PAN3: variants seen among roughly 807,000 people sequenced by gnomAD.
The protein encoded by PAN3 is poly(A) specific ribonuclease subunit PAN3, also known as PAN2-PAN3 deadenylation complex subunit PAN3.
PAN3 carries 19 observed loss-of-function variants against 96.2 expected under a neutral mutation model. The observed-to-expected ratio is 0.20, with a 90% CI of 0.14 to 0.29. The LOEUF (loss-of-function observed/expected upper bound fraction) is 0.29. PAN3 is among the 10% of genes least tolerant of loss of function. The pLI is 1.00. For synonymous variants in PAN3, 433 were observed against 406.6 expected, an observed-to-expected ratio of 1.06 and a Z score of -0.78; for missense variants, 882 against 1,108.1, an observed-to-expected ratio of 0.80 and a Z score of 2.90.
In PAN3 at chr13:28,292,424, G is replaced by T; in HGVS notation, c.2566G>T (p.Asp856Tyr). ...AGAAAAAATAAGCCTGATTTCCAGA[G>T]ATGAGAAGAGTGTACTTGTGGTGAC... is the stretch of plus-strand genomic sequence containing the variant. ...VPEKISLISR[D>Y]EKSVLVVTYS... Residue 856 changes from aspartate to tyrosine, a missense_variant, in exon 19 of 19, where the codon GAT becomes TAT. Physicochemically the swap from Asp to Tyr is radical, Grantham distance 160 (BLOSUM62 -3). Coordinates refer to ENST00000380958, the MANE Select transcript of PAN3 (RefSeq NM_175854.8). 6.2e-7 allele frequency: 1 copy of T among 1,611,224 alleles called. No homozygotes were observed. The highest frequency in any genetic ancestry group is 8.5e-7 in the Non-Finnish European group (1 of 1,178,918).
chr13:28,160,691 T>A (rs546080399), intron 1 of PAN3, among the ~76,000 whole-genome samples: 1 of 152,304 alleles, frequency 6.6e-6, no homozygotes, highest in East Asian at 1.9e-4. Flanking sequence ...TAAGTAACAC[T>A]TGGTATTATT....
chr13:28,141,846 G>A (rs1387372270), intron 1 of PAN3, among the ~76,000 whole-genome samples: 2 of 152,118 alleles, frequency 1.3e-5, no homozygotes, highest in East Asian at 1.9e-4. Context: ...GGGAGGGGAA[G>A]GTAAGTACCC....
intron 6 of PAN3, among the ~76,000 whole-genome samples, chr13:28,240,716 A>G (rs762328726): frequency 4.6e-5 from 7 of 152,222 alleles, no homozygotes; most frequent in Non-Finnish European, 1.0e-4. Flanking sequence ...CTTTTGATTA[A>G]GAACATTTTT....
At chr13:28,280,228 G>A (rs1194128501) in intron 15 of PAN3, among the ~76,000 whole-genome samples, 184 bp from the exon 16 acceptor site, 2 of 152,178 alleles carry the variant, frequency 1.3e-5, no homozygotes, top group Non-Finnish European at 1.5e-5. Context: ...TTCTCCATTG[G>A]CTGTTACAGT....
intron 1 of PAN3, among the ~76,000 whole-genome samples, chr13:28,168,775 T>G (rs548866283): frequency 5.3e-5 from 8 of 151,802 alleles, no homozygotes; most frequent in African/African-American, 1.5e-4. Flanking sequence ...TCCCACCACT[T>G]TGGGAGGCTG....
In PAN3 at chr13:28,270,647, A is replaced by C. The variant is rs183378706; in HGVS notation, c.1793-54A>C. 7 of 1,555,786 alleles carry C rather than the reference A, an allele frequency of 4.5e-6. No individual in the cohort carries two copies. The South Asian group carries it at 8.2e-5, about 18-fold the overall frequency. ...TTGCTAATTTTGATGTTAATGCTTT[A>C]GTCTTTTAGTTGATTACTTAAGATG... On this transcript the variant is annotated intron_variant, in intron 12 of 18. Transcript: ENST00000380958.
At chr13:28,283,482 TC>T (rs953613628) in intron 17 of PAN3, among the ~76,000 whole-genome samples, 80 of 152,136 alleles carry the variant, frequency 5.3e-4, no homozygotes, top group African/African-American at 1.9e-3. Flanking sequence ...ATTCCCAGTT[TC>T]CCCCATCAGT....
intron 1 of PAN3, among the ~76,000 whole-genome samples, chr13:28,156,177 T>C (rs1363208862): frequency 6.7e-6 from 1 of 149,436 alleles, no homozygotes; most frequent in Non-Finnish European, 1.5e-5. Context: ...ACTAGACTAA[T>C]ACAGAAAAAA....
intron 6 of PAN3, among the ~76,000 whole-genome samples, chr13:28,234,120 A>T (rs1882858030): frequency 1.3e-5 from 2 of 152,212 alleles, no homozygotes; most frequent in South Asian, 4.1e-4. Flanking sequence ...GAGGCAGTTA[A>T]GAAGCACTAG....
intron 4 of PAN3, among the ~76,000 whole-genome samples, chr13:28,190,469 G>A (rs1366941529): frequency 6.6e-6 from 1 of 152,106 alleles, no homozygotes; most frequent in East Asian, 1.9e-4. Context: ...ATGTTGCCCA[G>A]GTTGGTCCTT....
At chr13:28,148,588 C>G (rs74429755) in intron 1 of PAN3, among the ~76,000 whole-genome samples, 2,532 of 152,256 alleles carry the variant, frequency 0.017, 69 homozygotes, top group East Asian at 0.14. Flanking sequence ...TAGCCTCCTT[C>G]CCTCCCTAGT....
intron 5 of PAN3, among the ~76,000 whole-genome samples, chr13:28,200,563 T>A (rs1197309211): frequency 6.6e-6 from 1 of 152,246 alleles, no homozygotes; most frequent in Non-Finnish European, 1.5e-5. Flanking sequence ...CCCTACCCTT[T>A]ATTACTTAGT....
At chr13:28,191,370 G>A (rs1038578106) in intron 4 of PAN3, among the ~76,000 whole-genome samples, 1 of 151,910 alleles carries the variant, frequency 6.6e-6, no homozygotes, top group Non-Finnish European at 1.5e-5. Flanking sequence ...CTTCTTTCTC[G>A]ACTAGTGATT....
In PAN3 at chr13:28,267,343, G is replaced by A; in HGVS notation, c.1734G>A (p.Met578Ile). 2 of 1,613,818 alleles carry A rather than the reference G, an allele frequency of 1.2e-6. No homozygotes were observed. The highest frequency in any genetic ancestry group is 1.7e-6 in the Non-Finnish European group (2 of 1,179,836). The change falls in exon 12 of 19, where the codon ATG becomes ATA. Residue 578 changes from methionine (M) to isoleucine (I), a missense_variant. Around this residue, in one of 3 missense-constraint regions of PAN3, gnomAD observed 364 missense variants for 513.6 expected, o/e 0.71. Transcript: ENST00000380958. ...ATTTCCATGCTGGAGGAGAAACTAT[G>A]ATGAGCAGACACTTTAATGACCCTA... ...AYDFHAGGET[M>I]MSRHFNDPNA...
At chr13:28,224,909 C>T (rs1881833870) in intron 6 of PAN3, among the ~76,000 whole-genome samples, 2 of 152,164 alleles carry the variant, frequency 1.3e-5, no homozygotes, top group Non-Finnish European at 2.9e-5. Context: ...GGGTGAGCCA[C>T]CTCACTCAGC....
chr13:28,292,066 G>A (rs1869818884), intron 18 of PAN3, among the ~76,000 whole-genome samples: 1 of 152,068 alleles, frequency 6.6e-6, no homozygotes, highest in Non-Finnish European at 1.5e-5. Flanking sequence ...AAGTAGATGA[G>A]TATGTTCATT....
chr13:28,155,697 G>T (rs1872052646), intron 1 of PAN3, among the ~76,000 whole-genome samples: 1 of 151,482 alleles, frequency 6.6e-6, no homozygotes, highest in African/African-American at 2.4e-5. Context: ...GACATAGTAT[G>T]ATATATATAT....
At chr13:28,191,834 G>T (rs1186113368) in intron 4 of PAN3, among the ~76,000 whole-genome samples, 20 of 151,806 alleles carry the variant, frequency 1.3e-4, no homozygotes, top group Non-Finnish European at 2.9e-4. Context: ...TGACCTCCTG[G>T]GCTCAAGCGA....
chr13:28,290,360 G>GTTATA (rs1869593618), intron 18 of PAN3, among the ~76,000 whole-genome samples: 2 of 152,132 alleles, frequency 1.3e-5, no homozygotes, highest in Admixed American at 1.3e-4. Context: ...AACTCTATAA[G>GTTATA]GAGTATTGTC....
Sources: allele counts gnomAD v4.1 joint callset (sites outside exome capture counted in the v4.1 genomes callset), GRCh38; gene constraint gnomAD v4.1.1; regional missense constraint gnomAD v4.1.1; transcripts MANE v1.5; gene names NCBI Gene and HGNC (gene_info 2026-07-23, HGNC 2026-07-21).